Variants in CMSS1 observed in about 807,000 individuals in gnomAD.
CMSS1 encodes the protein protein CMSS1.
Under a neutral mutation model 43.5 loss-of-function variants are expected in CMSS1, and 33 were observed. That is an observed-to-expected ratio of 0.76 (90% CI 0.57 to 1.01). The LOEUF is 1.01. CMSS1 is among the 50% of genes least tolerant of loss of function. CMSS1 has a pLI of 0.00. For missense variants in CMSS1, 313 were observed against 326.4 expected (o/e 0.96, Z 0.32); for synonymous variants, 115 against 117.2 (o/e 0.98, Z 0.12).
chr3:99,868,880 T>G lies in CMSS1; in HGVS notation c.64+50837T>G, dbSNP rs192089351. Among the ~76,000 whole-genome samples the G allele has an allele frequency of 2.6e-5, 4 of 152,336 alleles. No homozygotes were observed. In the East Asian group the frequency reaches 7.7e-4, roughly 29 times the overall value. On this transcript the variant is annotated intron_variant, in intron 1 of 9. Transcript: ENST00000421999. Reference sequence around the variant, plus strand: ...CCCTTACAGCTTTATTACCTAAATATTCTACATTATTTTGTACTGCTTTCT... The same window carrying G: ...CCCTTACAGCTTTATTACCTAAATAGTCTACATTATTTTGTACTGCTTTCT...
At chr3:100,023,094 A>G (rs2064855210) in intron 1 of CMSS1, among the ~76,000 whole-genome samples, 1 of 152,168 alleles carries the variant, frequency 6.6e-6, no homozygotes, top group Non-Finnish European at 1.5e-5. Flanking sequence ...ATCAGTAGTA[A>G]AGAGATGGTG....
intron 1 of CMSS1, among the ~76,000 whole-genome samples, chr3:99,861,758 C>T (rs907348084): frequency 6.6e-6 from 1 of 152,098 alleles, no homozygotes; most frequent in East Asian, 1.9e-4. Flanking sequence ...CCAATAGGAA[C>T]GAGACAGTGG....
intron 1 of CMSS1, among the ~76,000 whole-genome samples, chr3:99,951,484 GT>G (rs1298093478): frequency 1.3e-5 from 2 of 152,138 alleles, no homozygotes; most frequent in Admixed American, 1.3e-4. Context: ...ATGAGATTTT[GT>G]TTTAGTCCAG....
At chr3:100,115,691 T>C (rs930143259) in intron 1 of CMSS1, among the ~76,000 whole-genome samples, 32 of 151,708 alleles carry the variant, frequency 2.1e-4, no homozygotes, top group African/African-American at 6.8e-4. Flanking sequence ...TATTTTTTTC[T>C]GAATTAATTT....
At chr3:99,890,464 T>G (rs967256228) in intron 1 of CMSS1, among the ~76,000 whole-genome samples, 2 of 152,152 alleles carry the variant, frequency 1.3e-5, no homozygotes, top group African/African-American at 4.8e-5. Context: ...GTTTTTTCTC[T>G]CCTTAATCTC....
intron 1 of CMSS1, among the ~76,000 whole-genome samples, chr3:99,950,248 G>A (rs139508283): frequency 2.0e-3 from 303 of 152,084 alleles, no homozygotes; most frequent in African/African-American, 6.9e-3. Flanking sequence ...GCTATGTATC[G>A]GAAATAGACT....
At chr3:100,000,470 T>C (rs1709810476) in intron 1 of CMSS1, among the ~76,000 whole-genome samples, 1 of 152,110 alleles carries the variant, frequency 6.6e-6, no homozygotes, top group Non-Finnish European at 1.5e-5. Context: ...CTAGGCCAAA[T>C]CAAGGAAGGG....
intron 1 of CMSS1, among the ~76,000 whole-genome samples, chr3:99,983,529 A>C (rs1368932102): frequency 7.6e-6 from 1 of 132,414 alleles, no homozygotes; most frequent in Admixed American, 8.0e-5. Context: ...TACACACACA[A>C]AAAGAAAAAA....
At chr3:100,052,505 G>A (rs530595761) in intron 1 of CMSS1, among the ~76,000 whole-genome samples, 4 of 152,178 alleles carry the variant, frequency 2.6e-5, no homozygotes, top group Admixed American at 1.3e-4. Context: ...TTATTATTGT[G>A]GTTTTATTAA....
chr3:100,054,494 TATG>T (rs773469194), intron 1 of CMSS1, among the ~76,000 whole-genome samples: 13 of 33,798 alleles, frequency 3.8e-4, no homozygotes, highest in Non-Finnish European at 6.8e-4. Flanking sequence ...TATGTTTTGT[TATG>T]TTATGTTATG....
intron 1 of CMSS1, among the ~76,000 whole-genome samples, chr3:100,133,184 A>G (rs899001048): frequency 6.6e-6 from 1 of 152,224 alleles, no homozygotes; most frequent in Admixed American, 6.5e-5. Flanking sequence ...TAATGATAGA[A>G]GAACAAAGAA....
chr3:99,935,290 T>A (rs1320076813), intron 1 of CMSS1, among the ~76,000 whole-genome samples: 2 of 152,008 alleles, frequency 1.3e-5, no homozygotes, highest in Admixed American at 1.3e-4. Context: ...GAAAGTTGCT[T>A]TTTGTGTATG....
At chr3:99,976,387 G>T (rs1053299172) in intron 1 of CMSS1, among the ~76,000 whole-genome samples, 19 of 152,148 alleles carry the variant, frequency 1.2e-4, no homozygotes, top group African/African-American at 4.6e-4. Context: ...TTGTAAGTAA[G>T]TTATTAAACT....
chr3:100,021,332 A>G (rs1335416225), intron 1 of CMSS1, among the ~76,000 whole-genome samples: 1 of 152,174 alleles, frequency 6.6e-6, no homozygotes, highest in African/African-American at 2.4e-5. Flanking sequence ...TTGTGCCCTC[A>G]ACTTTATCCC....
chr3:99,926,142 T>C (rs1325685582), intron 1 of CMSS1, among the ~76,000 whole-genome samples: 1 of 152,204 alleles, frequency 6.6e-6, no homozygotes, highest in Non-Finnish European at 1.5e-5. Flanking sequence ...CTAAAAAGCA[T>C]GTACTTGACT....
intron 1 of CMSS1, among the ~76,000 whole-genome samples, chr3:100,044,275 T>G (rs1273035592): frequency 6.6e-6 from 1 of 152,242 alleles, no homozygotes; most frequent in East Asian, 1.9e-4. Flanking sequence ...ATTGACATGG[T>G]CTTTGCCCTA....
chr3:99,935,205 G>A (rs1390355206), intron 1 of CMSS1, among the ~76,000 whole-genome samples: 1 of 151,314 alleles, frequency 6.6e-6, no homozygotes, highest in East Asian at 1.9e-4. Flanking sequence ...GCCCAGGGGT[G>A]CATACTAGGG....
intron 1 of CMSS1, among the ~76,000 whole-genome samples, chr3:100,104,424 G>C (rs2066360557): frequency 1.3e-5 from 2 of 152,270 alleles, no homozygotes; most frequent in South Asian, 4.1e-4. Context: ...CCCACACTTT[G>C]TTTGAGATAC....
intron 1 of CMSS1, chr3:100,114,830 G>A (rs1184467450): frequency 1.4e-5 from 9 of 647,268 alleles, no homozygotes; most frequent in Non-Finnish European, 2.1e-5. Context: ...TAAGTAACAA[G>A]GGCATGACCC....
Sources: allele counts gnomAD v4.1 joint callset (sites outside exome capture counted in the v4.1 genomes callset), GRCh38; gene constraint gnomAD v4.1.1; transcripts MANE v1.5; gene names NCBI Gene and HGNC (gene_info 2026-07-23, HGNC 2026-07-21).